Variants in MKX observed in about 807,000 individuals in gnomAD.
MKX encodes mohawk homeobox.
A neutral mutation model predicts 36.0 loss-of-function variants in MKX; 13 were observed. The ratio of observed to expected loss-of-function variants is 0.36; its 90% CI spans 0.24 to 0.57. MKX has a LOEUF of 0.57. Ranked by LOEUF, MKX falls within the 20% of genes least tolerant of loss-of-function variation. The pLI is 0.79. For synonymous variants in MKX, 176 were observed against 178.3 expected (o/e 0.99, Z 0.10); for missense variants, 458 against 456.4 (o/e 1.00, Z -0.03).
intron 5 of MKX, among the ~76,000 whole-genome samples, chr10:27,683,767 C>G (rs1191212701): frequency 1.3e-5 from 2 of 152,214 alleles, no homozygotes; most frequent in Admixed American, 1.3e-4. Flanking sequence ...CTTGGAACAA[C>G]TGAGGATAAG....
In MKX at chr10:27,741,589, C is replaced by A. The variant is rs1589700580; in HGVS notation, c.189-85G>T. 7.0e-7 allele frequency: 1 copy of A among 1,436,046 alleles called. No individual in the cohort carries two copies. Among genetic ancestry groups the A allele is most frequent in the East Asian group, 2.4e-5 (1 of 41,366 alleles). The allele number at this position is 1,436,046 out of a possible 1,614,324, so 89.0% of individuals were successfully genotyped here. The stretch of plus-strand genomic sequence containing the variant: ...CCACGCCCCGGCCAAGCCCGGGCCC[C>A]GCATCCAAACTGCGCATTCCTGCCT... On this transcript the variant is annotated intron_variant, in intron 2 of 6. Transcript: ENST00000419761. This position sits in a 1 kb window ranked among gnomAD's most constrained non-coding sequence, Gnocchi z 5.1.
chr10:27,692,047 A>G (rs1836464135), intron 5 of MKX, among the ~76,000 whole-genome samples: 1 of 152,060 alleles, frequency 6.6e-6, no homozygotes, highest in African/African-American at 2.4e-5. Flanking sequence ...CGAATGATTT[A>G]TTTTCCTTTG....
At chr10:27,700,915 T>G (rs1048024190) in intron 5 of MKX, among the ~76,000 whole-genome samples, 1 of 152,166 alleles carries the variant, frequency 6.6e-6, no homozygotes, top group African/African-American at 2.4e-5. Flanking sequence ...CTGACTCCTG[T>G]TCTGTAATTT....
intron 5 of MKX, among the ~76,000 whole-genome samples, chr10:27,679,123 A>G (rs12360011): frequency 0.048 from 7,235 of 151,674 alleles, 186 homozygotes; most frequent in African/African-American, 0.058. Context: ...GCCTGTCGGG[A>G]GGTGGGGGGC....
intron 5 of MKX, among the ~76,000 whole-genome samples, chr10:27,729,718 CA>C (rs1834582101): frequency 6.6e-6 from 1 of 152,152 alleles, no homozygotes; most frequent in Non-Finnish European, 1.5e-5. Flanking sequence ...GGTTTTATTT[CA>C]AGACTTGCCT....
Position 27,674,938 on chromosome 10 carries a change from C to T in MKX, c.*291G>A. The stretch of plus-strand genomic sequence containing the variant: ...GCATTTTGAGGCATAGCTTGTTCAA[C>T]TATGCCCACGTTGGAGCTTATTGTC... On this transcript the variant is annotated 3_prime_UTR_variant, in exon 7 of 7. Coordinates refer to ENST00000419761, the MANE Select transcript of MKX (RefSeq NM_173576.3). 3.7e-6 allele frequency: 1 copy of T among 267,888 alleles called. No homozygotes were observed. Among genetic ancestry groups the T allele is most frequent in the Non-Finnish European group, 7.1e-6 (1 of 140,852 alleles). 16.6% of individuals were successfully genotyped at this position (267,888 alleles called of 1,614,324 possible). A position where few individuals can be genotyped will look rare whatever the true frequency, so the allele number is the denominator to read the frequency against.
At chr10:27,695,815 G>T (rs181892532) in intron 5 of MKX, among the ~76,000 whole-genome samples, 1 of 152,292 alleles carries the variant, frequency 6.6e-6, no homozygotes, top group African/African-American at 2.4e-5. Context: ...GGAAAAAGAT[G>T]ATTATTTTTA....
rs1835013287 is a variant in MKX at position 27,744,767 on chromosome 10, A to G, written c.-83+940T>C. The G allele has an allele frequency of 1.3e-5, 2 of 153,324 alleles. No individual in the cohort carries two copies. Among genetic ancestry groups the G allele is most frequent in the Non-Finnish European group, 2.9e-5 (2 of 69,950 alleles). The allele number at this position is 153,324 out of a possible 1,614,324, so 9.5% of individuals were successfully genotyped here. On this transcript the variant is annotated intron_variant, in intron 1 of 6. Coordinates refer to ENST00000419761, the MANE Select transcript of MKX (RefSeq NM_173576.3). The surrounding 1 kb of genome is among the most constrained non-coding windows in gnomAD (Gnocchi z 5.6). ...ACACCCTTTGCCTCGCCAAGCGCCC[A>G]CACTCGCCAACGCCCCCGCCCCGCC...
At chr10:27,735,582 TA>T (rs113819945) in intron 3 of MKX, among the ~76,000 whole-genome samples, 1,884 of 152,028 alleles carry the variant, frequency 0.012, 41 homozygotes, top group African/African-American at 0.04. Flanking sequence ...ATTTGTGGAA[TA>T]AGGAAAAATG....
chr10:27,732,511 T>C (rs1194487320), intron 5 of MKX, among the ~76,000 whole-genome samples: 1 of 152,212 alleles, frequency 6.6e-6, no homozygotes, highest in Non-Finnish European at 1.5e-5. Flanking sequence ...CTTTCCTTTG[T>C]AATTTCCAAT....
At chr10:27,712,605 G>T (rs139679703) in intron 5 of MKX, among the ~76,000 whole-genome samples, 5 of 152,236 alleles carry the variant, frequency 3.3e-5, no homozygotes, top group African/African-American at 1.2e-4. Context: ...TGTCGGGGTG[G>T]CCAAAGGGCA....
chr10:27,735,747 T>C (rs1159116583), intron 3 of MKX, among the ~76,000 whole-genome samples: 2 of 152,198 alleles, frequency 1.3e-5, no homozygotes, highest in Non-Finnish European at 2.9e-5. Context: ...TACTTTCATA[T>C]ATGACTCCAG....
At chr10:27,717,996 A>C (rs1205147173) in intron 5 of MKX, among the ~76,000 whole-genome samples, 1 of 152,216 alleles carries the variant, frequency 6.6e-6, no homozygotes, top group Non-Finnish European at 1.5e-5. Flanking sequence ...TTACTGTGTA[A>C]GCATCATAGT....
intron 5 of MKX, among the ~76,000 whole-genome samples, chr10:27,688,140 A>G (rs538284852): frequency 6.6e-6 from 1 of 152,236 alleles, no homozygotes; most frequent in South Asian, 2.1e-4. Context: ...TAAAACACTT[A>G]GAAGAGAGCT....
rs1834916987 is a variant in MKX, at chr10:27,742,295, T to C, written c.189-791A>G. On this transcript the variant is annotated intron_variant, in intron 2 of 6. Coordinates refer to ENST00000419761, the MANE Select transcript of MKX (RefSeq NM_173576.3). The surrounding 1 kb of genome is among the most constrained non-coding windows in gnomAD (Gnocchi z 4.2). ...CGCTCCCTCACGGGTCCGGGAGGTGTCGCGCGCGGCCGCCAGCGAGCCCAG... is the reference window on the plus strand; with the variant it reads ...CGCTCCCTCACGGGTCCGGGAGGTGCCGCGCGCGGCCGCCAGCGAGCCCAG... Among the ~76,000 whole-genome samples, 1 of 152,010 alleles carries C rather than the reference T, an allele frequency of 6.6e-6. No individual in the cohort carries two copies. Among genetic ancestry groups the C allele is most frequent in the Non-Finnish European group, 1.5e-5 (1 of 67,994 alleles).
chr10:27,724,438 G>A (rs1424504566), intron 5 of MKX, among the ~76,000 whole-genome samples: 1 of 152,130 alleles, frequency 6.6e-6, no homozygotes, highest in Admixed American at 6.5e-5. Context: ...TGTGTGACCT[G>A]AGCAAATGCT....
chr10:27,688,420 G>A (rs1193576810), intron 5 of MKX, among the ~76,000 whole-genome samples: 1 of 152,170 alleles, frequency 6.6e-6, no homozygotes, highest in African/African-American at 2.4e-5. Context: ...CTTTTCTGAT[G>A]GTCCTTTGTG....
intron 3 of MKX, among the ~76,000 whole-genome samples, chr10:27,735,980 C>G (rs556890192): frequency 6.6e-6 from 1 of 152,272 alleles, no homozygotes; most frequent in African/African-American, 2.4e-5. Context: ...GGAGATGAAA[C>G]TTTCTGAGGA....
chr10:27,735,140 G>C lies in MKX; in HGVS notation c.502+81C>G, dbSNP rs990987761. 32 of 1,360,230 alleles carry C rather than the reference G, an allele frequency of 2.4e-5. No individual in the cohort carries two copies. The African/African-American group carries it at 3.4e-4, about 14-fold the overall frequency. 84.3% of individuals were successfully genotyped at this position (1,360,230 alleles called of 1,614,324 possible). ...GTTAAGGCACCATCATATTTTGTGA[G>C]AGCAACCTTAAAAATAGCAATTATG... On this transcript the variant is annotated intron_variant, in intron 4 of 6. Transcript: ENST00000419761.
Sources: gnomAD v4.1 joint callset for allele counts (sites outside exome capture counted in the v4.1 genomes callset) on GRCh38, gnomAD v4.1.1 for gene constraint, Gnocchi (gnomAD v3.1) non-coding constraint, MANE v1.5 for transcripts, NCBI Gene and HGNC (gene_info 2026-07-23, HGNC 2026-07-21) for gene names.